TRIM39: variants seen among roughly 807,000 people sequenced by gnomAD.
TRIM39 encodes the protein E3 ubiquitin-protein ligase TRIM39.
TRIM39 carries 5 observed loss-of-function variants against 53.6 expected under a neutral mutation model. The ratio of observed to expected loss-of-function variants is 0.09; its 90% CI spans 0.05 to 0.20. The LOEUF (loss-of-function observed/expected upper bound fraction) is 0.20, where lower values mean the gene tolerates loss of function less well. Among genes scored for constraint, TRIM39 ranks in the 10% least tolerant of loss-of-function variants. The pLI, the probability that TRIM39 is intolerant of heterozygous loss-of-function variation, is 1.00. For synonymous variants in TRIM39, 196 were observed against 237.6 expected, an observed-to-expected ratio of 0.82 and a Z score of 1.61; for missense variants, 310 against 621.0, an observed-to-expected ratio of 0.50 and a Z score of 5.32.
At chr6:30,333,352 G>GTTTT (rs1562409294) in intron 4 of TRIM39, among the ~76,000 whole-genome samples, 18 of 134,828 alleles carry the variant, frequency 1.3e-4, no homozygotes, top group African/African-American at 2.8e-4. Flanking sequence ...TTGTTTTTGT[G>GTTTT]GTTTTTTTTT....
exon 3 of TRIM39, chr6:30,329,404 C>T: frequency 6.2e-7 from 1 of 1,613,068 alleles, no homozygotes; most frequent in Non-Finnish European, 8.5e-7. Flanking sequence ...AGGCGAGCTG[C>T]TCTGTGTGCC....
intron 5 of TRIM39, among the ~76,000 whole-genome samples, chr6:30,336,752 T>A (rs967242787): frequency 1.1e-4 from 17 of 152,222 alleles, no homozygotes; most frequent in African/African-American, 4.1e-4. Flanking sequence ...GGAATAGACT[T>A]CTTCTAAATG....
intron 1 of TRIM39, among the ~76,000 whole-genome samples, chr6:30,328,621 A>C (rs1295273771): frequency 6.6e-6 from 1 of 152,152 alleles, no homozygotes; most frequent in African/African-American, 2.4e-5. Flanking sequence ...GTGGTGATAG[A>C]ACAAAAGTTA....
At chr6:30,341,516 G>A in intron 7 of TRIM39, 196 bp from the exon 8 acceptor site, 1 of 844,478 alleles carries the variant, frequency 1.2e-6, no homozygotes, top group Non-Finnish European at 2.0e-6. Flanking sequence ...GTTTACTTTA[G>A]GGTCAGGGTG....
rs1246121260 is a variant in TRIM39, at chr6:30,342,159, C to G, written c.1367C>G (p.Thr456Ser). The change falls in exon 8 of 8, where the codon ACT becomes AGT. Residue 456 changes from threonine (T) to serine (S), a missense_variant. By Grantham distance (58) the Thr-to-Ser change is moderately conservative. This residue lies in a region of TRIM39 where 75 missense variants were observed against 244.8 expected (regional missense o/e 0.31). Transcript: ENST00000396551. The surrounding 1 kb of genome is among the most constrained non-coding windows in gnomAD (Gnocchi z 4.7). ...TCTCATATCTACACCTTCACTGATA[C>G]TTTTACTGAGAAACTTTGGCCCCTC... is the stretch of plus-strand genomic sequence containing the variant. 4.3e-6 allele frequency: 7 copies of G among 1,613,076 alleles called. No homozygotes were observed. Among genetic ancestry groups the G allele is most frequent in the Middle Eastern group, 1.6e-4 (1 of 6,062 alleles).
Position 30,330,773 on chromosome 6 carries a change from C to T in TRIM39, c.454-8C>T, listed in dbSNP as rs373876740. 2.5e-5 allele frequency: 41 copies of T among 1,614,060 alleles called. No homozygotes were observed. The African/African-American group carries it at 3.1e-4, about 12-fold the overall frequency. On this transcript the variant is annotated splice_region_variant and splice_polypyrimidine_tract_variant and intron_variant, in intron 3 of 7. Transcript: ENST00000396551. ...TGTCACCTCTCCCACTTCCTCCCTA[C>T]CCCTCAGGAAAAACTGCAGAAGTGT...
intron 4 of TRIM39, among the ~76,000 whole-genome samples, chr6:30,332,065 A>G (rs994363375): frequency 3.3e-5 from 5 of 152,210 alleles, no homozygotes; most frequent in African/African-American, 1.2e-4. Flanking sequence ...TGTAGGGGTA[A>G]ACCTAGATAT....
At position 30,339,249 on chromosome 6, in the gene TRIM39, A is replaced by G. The variant is rs954112091; in HGVS notation, c.781-659A>G. 2.0e-5 allele frequency among the ~76,000 whole-genome samples: 3 copies of G among 151,874 alleles called. No individual in the cohort carries two copies. Among genetic ancestry groups the G allele is most frequent in the South Asian group, 4.2e-4 (2 of 4,810 alleles). On this transcript the variant is annotated intron_variant, in intron 5 of 7. Coordinates refer to ENST00000396551, the Ensembl canonical transcript of TRIM39. The surrounding 1 kb of genome is among the most constrained non-coding windows in gnomAD (Gnocchi z 4.2). ...CTGCAACCTTTGCCTCCTGTGTTCA[A>G]GCGATTCTCCTGCCTCAGCCTCCTG...
At chr6:30,343,213 A>G (rs1234470522) in exon 8 of TRIM39, 1 of 152,700 alleles carries the variant, frequency 6.5e-6, no homozygotes, top group Non-Finnish European at 1.5e-5. Context: ...CAGCCTTCTT[A>G]CCTGGCCAAG....
chr6:30,341,606 G>A, intron 7 of TRIM39, 106 bp from the exon 8 acceptor site: 1 of 1,468,064 alleles, frequency 6.8e-7, no homozygotes, highest in Non-Finnish European at 9.1e-7. Context: ...TTGTTCTGGG[G>A]ACCTTTAAGG....
At chr6:30,340,721 C>T in intron 7 of TRIM39, 101 bp downstream of exon 7, 1 of 1,228,784 alleles carries the variant, frequency 8.1e-7, no homozygotes, top group East Asian at 2.5e-5. Context: ...TCTCACTTTT[C>T]TTACTCCCAC....
rs867462081 is a variant in TRIM39, at chr6:30,342,667, T to C, written c.*408T>C. Reference sequence around the variant, plus strand: ...GGGGTTCTTTGACCCAGGATAGTCTTGCTTCTTGAGGTAGATCACAGGGGT... The same window carrying C: ...GGGGTTCTTTGACCCAGGATAGTCTCGCTTCTTGAGGTAGATCACAGGGGT... On this transcript the variant is annotated 3_prime_UTR_variant, in exon 8 of 8. Coordinates refer to ENST00000396551, the Ensembl canonical transcript of TRIM39. The surrounding 1 kb of genome is among the most constrained non-coding windows in gnomAD (Gnocchi z 4.7). The C allele has an allele frequency of 8.3e-5, 21 of 252,712 alleles. No individual in the cohort carries two copies. The highest frequency in any genetic ancestry group is 4.0e-4 in the African/African-American group (18 of 45,048). 15.7% of individuals were successfully genotyped at this position (252,712 alleles called of 1,614,324 possible).
rs893996991 is a variant in TRIM39, at chr6:30,342,674, T to G, written c.*415T>G. On this transcript the variant is annotated 3_prime_UTR_variant, in exon 8 of 8. Coordinates refer to ENST00000396551, the Ensembl canonical transcript of TRIM39. This position sits in a 1 kb window ranked among gnomAD's most constrained non-coding sequence, Gnocchi z 4.7. Reference sequence around the variant, plus strand: ...TTTGACCCAGGATAGTCTTGCTTCTTGAGGTAGATCACAGGGGTCTGTGTA... The same window carrying G: ...TTTGACCCAGGATAGTCTTGCTTCTGGAGGTAGATCACAGGGGTCTGTGTA... The G allele has an allele frequency of 4.1e-6, 1 of 245,212 alleles. No homozygotes were observed. Among genetic ancestry groups the G allele is most frequent in the African/African-American group, 2.2e-5 (1 of 44,618 alleles). 15.2% of individuals were successfully genotyped at this position (245,212 alleles called of 1,614,324 possible). A position where few individuals can be genotyped will look rare whatever the true frequency, so the allele number is the denominator to read the frequency against.
In TRIM39 at chr6:30,342,222, C is replaced by T; in HGVS notation, c.1430C>T (p.Ala477Val). 1 of 1,613,044 alleles carries T rather than the reference C, an allele frequency of 6.2e-7. No individual in the cohort carries two copies. The highest frequency in any genetic ancestry group is 8.5e-7 in the Non-Finnish European group (1 of 1,180,012). ...ATCCGGGCTGGACGGAAGAATGCTG[C>T]ACCACTTACCATCAGGCCCCCAACA... Residue 477 changes from alanine to valine, a missense_variant, in exon 8 of 8, where the codon GCA (alanine) becomes GTA (valine). Physicochemically the swap from Ala to Val is moderately conservative, Grantham distance 64. Transcript: ENST00000396551. The surrounding 1 kb of genome is among the most constrained non-coding windows in gnomAD (Gnocchi z 4.7).
At position 30,331,297 on chromosome 6, in the gene TRIM39, A is replaced by AAAAG. The variant is rs1554249559; in HGVS notation, c.549+424_549+427dup. ...CAAACAAAAAAAACAAACAAAAAAA[A>AAAAG]AAAGAACAATGTAGTTCTCTCAAAA... On this transcript the variant is annotated intron_variant, in intron 4 of 7. Coordinates refer to ENST00000396551, the Ensembl canonical transcript of TRIM39. Among the ~76,000 whole-genome samples, 874 of 150,188 alleles carry AAAAG rather than the reference A, an allele frequency of 5.8e-3. 7 individuals carry two copies. Among genetic ancestry groups the AAAAG allele is most frequent in the Middle Eastern group, 0.024 (7 of 294 alleles).
exon 8 of TRIM39, chr6:30,341,966 C>T (rs766669963): frequency 6.2e-7 from 1 of 1,613,048 alleles, no homozygotes; most frequent in South Asian, 1.1e-5. Context: ...CGAGTTGACT[C>T]CACTCCCTGA....
At chr6:30,334,669 C>A (rs1786640125) in intron 4 of TRIM39, among the ~76,000 whole-genome samples, 1 of 152,154 alleles carries the variant, frequency 6.6e-6, no homozygotes, top group Non-Finnish European at 1.5e-5. Flanking sequence ...GCATGTGTTG[C>A]AATATGCAAA....
At chr6:30,343,630 A>G (rs973016591) in exon 8 of TRIM39, 1 of 152,688 alleles carries the variant, frequency 6.5e-6, no homozygotes, top group Non-Finnish European at 1.5e-5. Context: ...GACTTTGTCC[A>G]GACTCTCCTC....
Position 30,339,114 on chromosome 6 carries a change from A to C in TRIM39, c.781-794A>C, listed in dbSNP as rs1484644835. 2.0e-5 allele frequency among the ~76,000 whole-genome samples: 3 copies of C among 151,626 alleles called. No individual in the cohort carries two copies. The highest frequency in any genetic ancestry group is 4.4e-5 in the Non-Finnish European group (3 of 67,946). Reference sequence around the variant, plus strand: ...TGTCTTCTGGACCCCAAGTATTCACAAATCAGTATTAGCACACAGTTATTA... The same window carrying C: ...TGTCTTCTGGACCCCAAGTATTCACCAATCAGTATTAGCACACAGTTATTA... On this transcript the variant is annotated intron_variant, in intron 5 of 7. Coordinates refer to ENST00000396551, the Ensembl canonical transcript of TRIM39. The surrounding 1 kb of genome is among the most constrained non-coding windows in gnomAD (Gnocchi z 4.2).
Sources: allele counts gnomAD v4.1 joint callset (sites outside exome capture counted in the v4.1 genomes callset), GRCh38; gene constraint gnomAD v4.1.1; regional missense constraint gnomAD v4.1.1; non-coding constraint Gnocchi (gnomAD v3.1); transcripts MANE v1.5; gene names NCBI Gene and HGNC (gene_info 2026-07-23, HGNC 2026-07-21).